GRHL2: variants seen among roughly 807,000 people sequenced by gnomAD.
The protein encoded by GRHL2 is grainyhead like transcription factor 2.
Under a neutral mutation model 83.8 loss-of-function variants are expected in GRHL2, and 21 were observed. The observed-to-expected ratio is 0.25, with a 90% CI of 0.18 to 0.36. The LOEUF is 0.36. GRHL2 is among the 10% of genes least tolerant of loss of function. GRHL2 has a pLI of 1.00. For missense variants in GRHL2, 623 were observed against 781.8 expected (o/e 0.80, Z 2.42); for synonymous variants, 280 against 278.9 (o/e 1.00, Z -0.04).
chr8:101,642,654 G>A (rs185180920), intron 12 of GRHL2, among the ~76,000 whole-genome samples: 1 of 152,252 alleles, frequency 6.6e-6, no homozygotes, highest in Admixed American at 6.5e-5. Flanking sequence ...TGGGATCTGG[G>A]TTTTAAGTTT....
At chr8:101,515,066 G>GTTCC (rs757845074) in intron 1 of GRHL2, among the ~76,000 whole-genome samples, 20 of 118,686 alleles carry the variant, frequency 1.7e-4, no homozygotes, top group Non-Finnish European at 3.1e-4. Context: ...TCCTTCCCTT[G>GTTCC]TTCCTACCTC....
intron 2 of GRHL2, 188 bp downstream of exon 2, chr8:101,543,624 C>T (rs898708838): frequency 9.1e-6 from 6 of 657,324 alleles, no homozygotes; most frequent in Middle Eastern, 2.4e-4. Flanking sequence ...ACTTTATCAC[C>T]CATCCAGAGG....
rs191372989 is a variant in GRHL2, at chr8:101,600,140, A to G, written c.1098+989A>G. 2.8e-3 allele frequency among the ~76,000 whole-genome samples: 426 copies of G among 152,332 alleles called. 1 individual carries two copies. The highest frequency in any genetic ancestry group is 4.5e-3 in the Non-Finnish European group (309 of 68,036). ...CACGGCCACAGAAGAAGAATTGCCCAGTGTCTCATTTCACTCAAGTATAAA... is the reference window on the plus strand; with the variant it reads ...CACGGCCACAGAAGAAGAATTGCCCGGTGTCTCATTTCACTCAAGTATAAA... On this transcript the variant is annotated intron_variant, in intron 8 of 15. Transcript: ENST00000646743.
chr8:101,657,683 A>C (rs982542058), intron 14 of GRHL2, among the ~76,000 whole-genome samples: 1 of 152,014 alleles, frequency 6.6e-6, no homozygotes, highest in African/African-American at 2.4e-5. Context: ...TACTAAAAAT[A>C]CAAAAAATTA....
chr8:101,670,521 A>G (rs1482529933), downstream of GRHL2, among the ~76,000 whole-genome samples: 1 of 152,194 alleles, frequency 6.6e-6, no homozygotes. Flanking sequence ...CGCTCATTGC[A>G]GAGTCTTCTG....
At position 101,612,638 on chromosome 8, in the gene GRHL2, G is replaced by A. The variant is rs925395194; in HGVS notation, c.1099-6901G>A. Among the ~76,000 whole-genome samples, 11 of 150,956 alleles carry A rather than the reference G, an allele frequency of 7.3e-5. 1 individual carries two copies. Among genetic ancestry groups the A allele is most frequent in the East Asian group, 1.9e-4 (1 of 5,202 alleles). On this transcript the variant is annotated intron_variant, in intron 8 of 15. Coordinates refer to ENST00000646743, the MANE Select transcript of GRHL2 (RefSeq NM_024915.4). ...GATTGATAGATAACATCCAGTCAGA[G>A]CAGTTAACTCCACTATATTAAATTG...
intron 8 of GRHL2, among the ~76,000 whole-genome samples, chr8:101,608,890 C>T (rs1262599246): frequency 6.7e-6 from 1 of 149,916 alleles, no homozygotes; most frequent in Non-Finnish European, 1.5e-5. Flanking sequence ...GTCAGGTGGA[C>T]TTAGACATAA....
intron 1 of GRHL2, among the ~76,000 whole-genome samples, chr8:101,497,212 A>G (rs1450063085): frequency 3.3e-5 from 5 of 152,170 alleles, no homozygotes; most frequent in Admixed American, 3.3e-4. Context: ...AACTAAAGAG[A>G]GACAAAGTAC....
downstream of GRHL2, among the ~76,000 whole-genome samples, chr8:101,670,325 C>T (rs1814184498): frequency 6.6e-6 from 1 of 152,254 alleles, no homozygotes; most frequent in South Asian, 2.1e-4. Context: ...CTGTTCCAAA[C>T]AAGTAGCATT....
intron 1 of GRHL2, among the ~76,000 whole-genome samples, chr8:101,495,033 G>A (rs1014264754): frequency 2.6e-5 from 4 of 152,208 alleles, no homozygotes; most frequent in Non-Finnish European, 4.4e-5. Flanking sequence ...TCATTTTTGC[G>A]AATTCTAGCC....
chr8:101,659,810 C>T (rs574649435), intron 14 of GRHL2, among the ~76,000 whole-genome samples: 42 of 152,154 alleles, frequency 2.8e-4, no homozygotes, highest in African/African-American at 9.6e-4. Flanking sequence ...TTGAGTGTCT[C>T]GCCAGATTTG....
At chr8:101,615,078 C>G (rs1311455839) in intron 8 of GRHL2, among the ~76,000 whole-genome samples, 2 of 152,234 alleles carry the variant, frequency 1.3e-5, no homozygotes, top group Non-Finnish European at 2.9e-5. Flanking sequence ...AAGGACCTCT[C>G]TCTATTGAGA....
At chr8:101,515,037 C>T (rs867697467) in intron 1 of GRHL2, among the ~76,000 whole-genome samples, 1 of 150,148 alleles carries the variant, frequency 6.7e-6, no homozygotes, top group Admixed American at 6.7e-5. Context: ...TTCCTTCCTT[C>T]CTTCCATCCT....
At chr8:101,645,581 G>A (rs1201288484) in intron 13 of GRHL2, among the ~76,000 whole-genome samples, 3 of 152,046 alleles carry the variant, frequency 2.0e-5, no homozygotes, top group Non-Finnish European at 4.4e-5. Context: ...CCTTGGAGAG[G>A]TTCCTCACAC....
rs1355381803 is a variant in GRHL2 at position 101,631,627 on chromosome 8, T to A, written c.1258-10T>A. ...CCTGGCATTTTCTGTATTTGTTTTT[T>A]TCCTATCAGGGAGCAGAAAGAAAAA... On this transcript the variant is annotated splice_polypyrimidine_tract_variant and intron_variant, in intron 9 of 15. Transcript: ENST00000646743. 1.9e-6 allele frequency: 3 copies of A among 1,611,666 alleles called. No individual in the cohort carries two copies. The highest frequency in any genetic ancestry group is 2.5e-6 in the Non-Finnish European group (3 of 1,178,232).
intron 1 of GRHL2, among the ~76,000 whole-genome samples, chr8:101,502,977 A>G (rs1017653602): frequency 2.6e-5 from 4 of 152,198 alleles, no homozygotes; most frequent in Non-Finnish European, 5.9e-5. Flanking sequence ...TAATATAAGG[A>G]TAAGAATAGC....
At chr8:101,501,103 A>T (rs1439612384) in intron 1 of GRHL2, among the ~76,000 whole-genome samples, 2 of 152,250 alleles carry the variant, frequency 1.3e-5, no homozygotes, top group African/African-American at 4.8e-5. Context: ...GGTGCATTTC[A>T]GGAGATTTCA....
chr8:101,557,223 A>C (rs1184057074), intron 3 of GRHL2, among the ~76,000 whole-genome samples: 4 of 106,380 alleles, frequency 3.8e-5, no homozygotes, highest in African/African-American at 3.5e-5. Flanking sequence ...AATTAACAAT[A>C]CTTTTTTTTT....
At chr8:101,522,445 G>A (rs569860233) in intron 1 of GRHL2, among the ~76,000 whole-genome samples, 1 of 152,232 alleles carries the variant, frequency 6.6e-6, no homozygotes, top group African/African-American at 2.4e-5. Flanking sequence ...TTTTATATAC[G>A]ACACTTGAGC....
Sources: allele counts gnomAD v4.1 joint callset (sites outside exome capture counted in the v4.1 genomes callset), GRCh38; gene constraint gnomAD v4.1.1; transcripts MANE v1.5; gene names NCBI Gene and HGNC (gene_info 2026-07-23, HGNC 2026-07-21).